OPRM1: variants seen among roughly 807,000 people sequenced by gnomAD.
OPRM1 encodes the protein opioid receptor mu 1, also known as mu-type opioid receptor.
OPRM1 carries 27 observed loss-of-function variants against 31.8 expected under a neutral mutation model. That is an observed-to-expected ratio of 0.85 (90% CI 0.63 to 1.17). The LOEUF (loss-of-function observed/expected upper bound fraction) is 1.17. OPRM1 is among the 50% of genes most tolerant of loss of function. OPRM1 has a pLI of 0.00. For missense variants in OPRM1, 536 were observed against 511.1 expected (o/e 1.05, Z -0.47); for synonymous variants, 196 against 189.9 (o/e 1.03, Z -0.26).
chr6:154,062,448 A>G (rs1784602600), intron 1 of OPRM1, among the ~76,000 whole-genome samples: 1 of 152,110 alleles, frequency 6.6e-6, no homozygotes, highest in African/African-American at 2.4e-5. Context: ...TTAAAAACTA[A>G]TGGGACTTCT....
In OPRM1 at chr6:154,127,937, A is replaced by G. The variant is rs1203547160; in HGVS notation, c.*9216A>G. Among the ~76,000 whole-genome samples the G allele has an allele frequency of 6.6e-6, 1 of 152,076 alleles. No homozygotes were observed. Among genetic ancestry groups the G allele is most frequent in the Non-Finnish European group, 1.5e-5 (1 of 68,004 alleles). ...GCTGTAACTGATCACTGCTGTATTA[A>G]CTCAAAACTCATTTGCTTTATGGAA... On this transcript the variant is annotated 3_prime_UTR_variant, in exon 4 of 4. Transcript: ENST00000330432.
chr6:154,018,829 C>T (rs1778165625), intron 1 of OPRM1, among the ~76,000 whole-genome samples: 1 of 152,182 alleles, frequency 6.6e-6, no homozygotes, highest in African/African-American at 2.4e-5. Context: ...TTATATCCAG[C>T]ATTAGACTAT....
chr6:154,029,991 G>A (rs1023662328), intron 1 of OPRM1, among the ~76,000 whole-genome samples: 1 of 151,822 alleles, frequency 6.6e-6, no homozygotes, highest in African/African-American at 2.4e-5. Context: ...TTAGCAGCGT[G>A]AGAATGGTCT....
intron 3 of OPRM1, among the ~76,000 whole-genome samples, chr6:154,211,322 T>C (rs935054239): frequency 1.3e-5 from 2 of 150,930 alleles, no homozygotes; most frequent in Admixed American, 6.6e-5. Flanking sequence ...GGCAGGAGAA[T>C]GGTGTGAACC....
At chr6:154,010,953 G>T in exon 1 of OPRM1, 5 of 1,297,534 alleles carry the variant, frequency 3.9e-6, no homozygotes, top group Non-Finnish European at 5.0e-6. Flanking sequence ...ACAGAACTCT[G>T]ATATCCTCTC....
intron 3 of OPRM1, among the ~76,000 whole-genome samples, chr6:154,245,478 C>G (rs374452619): frequency 5.9e-5 from 9 of 151,940 alleles, no homozygotes; most frequent in Non-Finnish European, 1.0e-4. Flanking sequence ...ATGTGAGCAA[C>G]GAAAATTGAT....
At chr6:154,214,287 A>G in intron 3 of OPRM1, 1 of 1,597,964 alleles carries the variant, frequency 6.3e-7, no homozygotes, top group African/African-American at 1.3e-5. Flanking sequence ...CTAAAATTCA[A>G]ATAGAAAGCA....
chr6:154,216,530 T>C (rs1395884733), intron 3 of OPRM1, among the ~76,000 whole-genome samples: 1 of 152,168 alleles, frequency 6.6e-6, no homozygotes. Flanking sequence ...TGTATGTGCA[T>C]GAATTGGTAT....
chr6:154,174,703 A>T (rs1268744991), intron 3 of OPRM1, among the ~76,000 whole-genome samples: 4 of 152,136 alleles, frequency 2.6e-5, no homozygotes, highest in Non-Finnish European at 5.9e-5. Flanking sequence ...AGAGACTTAG[A>T]CTCTCACACA....
intron 3 of OPRM1, among the ~76,000 whole-genome samples, chr6:154,233,162 T>C (rs1312018005): frequency 6.6e-6 from 1 of 152,138 alleles, no homozygotes; most frequent in Non-Finnish European, 1.5e-5. Context: ...AGAGACATGG[T>C]TTCGCCATAT....
rs140442611 is a variant in OPRM1 at position 154,085,024 on chromosome 6, T to A, written c.291-4802T>A. Among the ~76,000 whole-genome samples the A allele has an allele frequency of 1.3e-4, 20 of 152,130 alleles. No individual in the cohort carries two copies. The East Asian group carries it at 3.9e-3, about 29-fold the overall frequency. ...GTTTTATTTCTGAACTGAGACACGA[T>A]CACCACAATTCAAATAATTAACCAC... is the stretch of plus-strand genomic sequence containing the variant. On this transcript the variant is annotated intron_variant, in intron 1 of 3. Coordinates refer to ENST00000330432, the MANE Select transcript of OPRM1 (RefSeq NM_000914.5).
chr6:154,133,734 C>T (rs1324184886), downstream of OPRM1, among the ~76,000 whole-genome samples: 1 of 152,156 alleles, frequency 6.6e-6, no homozygotes, highest in Non-Finnish European at 1.5e-5. Flanking sequence ...TTGAATTTTT[C>T]CATTGATCTG....
chr6:154,190,948 C>G (rs1341052996), intron 3 of OPRM1, among the ~76,000 whole-genome samples: 1 of 152,028 alleles, frequency 6.6e-6, no homozygotes. Context: ...CCCAGCTACT[C>G]AGGAGGCTGA....
intron 1 of OPRM1, chr6:154,087,136 A>T: frequency 2.0e-6 from 2 of 985,440 alleles, no homozygotes; most frequent in Non-Finnish European, 2.4e-6. Flanking sequence ...GTCCAAAAAA[A>T]AGCCCCCAAG....
rs769289836 is a variant in OPRM1, at chr6:154,199,931, G to C, written c.1165-46762G>C. The stretch of plus-strand genomic sequence containing the variant: ...GTCAGGCAAGGATTGTCTCTCTTTA[G>C]ATAAGGAGGAAGGAAAACTGCTGGG... On this transcript the variant is annotated intron_variant, in intron 3 of 3. Transcript: ENST00000337049. 18 of 1,614,058 alleles carry C rather than the reference G, an allele frequency of 1.1e-5. No individual in the cohort carries two copies. In the South Asian group the frequency reaches 2.0e-4, roughly 18 times the overall value.
At chr6:154,133,573 G>C (rs112892669), downstream of OPRM1, among the ~76,000 whole-genome samples, 1,595 of 152,248 alleles carry the variant, frequency 0.01, 36 homozygotes, top group African/African-American at 0.035. Context: ...AATACCAAAT[G>C]GTTTTCTGAA....
chr6:154,093,423 G>A, intron 3 of OPRM1: 1 of 1,614,052 alleles, frequency 6.2e-7, no homozygotes, highest in Non-Finnish European at 8.5e-7. Context: ...CAGCCCGTCT[G>A]GTGGAGCATT....
chr6:154,039,016 C>T (rs1052018349), upstream of OPRM1: 1 of 936,900 alleles, frequency 1.1e-6, no homozygotes, highest in Non-Finnish European at 1.5e-6. Context: ...AGGGTTTCAT[C>T]AAGCCAATGT....
At chr6:154,028,701 A>G (rs1020227393) in intron 1 of OPRM1, among the ~76,000 whole-genome samples, 22 of 152,140 alleles carry the variant, frequency 1.4e-4, no homozygotes, top group Admixed American at 1.0e-3. Context: ...GCAGGCATCA[A>G]CTGAGTTGGT....
Sources: allele counts gnomAD v4.1 joint callset (sites outside exome capture counted in the v4.1 genomes callset), GRCh38; gene constraint gnomAD v4.1.1; transcripts MANE v1.5; gene names NCBI Gene and HGNC (gene_info 2026-07-23, HGNC 2026-07-21).